The following SLC25A26 variants were observed in gnomAD, a reference collection of about 807,000 sequenced individuals.
SLC25A26 encodes the protein solute carrier family 25 member 26.
In SLC25A26, 36 loss-of-function variants were observed where a neutral mutation model predicts 37.8. The observed-to-expected ratio is 0.95, with a 90% confidence interval of 0.73 to 1.26. SLC25A26 has a LOEUF of 1.26. SLC25A26 is among the 50% of genes most tolerant of loss of function. The pLI is 0.00. For synonymous variants in SLC25A26, 129 were observed against 122.5 expected, an observed-to-expected ratio of 1.05 and a Z score of -0.35; for missense variants, 390 against 331.1, an observed-to-expected ratio of 1.18 and a Z score of -1.38.
chr3:66,241,635 A>G (rs1443183524), intron 2 of SLC25A26, among the ~76,000 whole-genome samples: 1 of 152,212 alleles, frequency 6.6e-6, no homozygotes, highest in Non-Finnish European at 1.5e-5. Flanking sequence ...TCAGAGTACC[A>G]GGGTTCAAAA....
rs2073556045 is a variant in SLC25A26 at position 66,262,162 on chromosome 3, TG to T, written c.405+10del. Reference sequence around the variant, plus strand: ...TAACATCTTATATGAAGAGGTGAGATGGGTTTTTTAAGCTCTTCTTTTCTTT... The same window carrying T: ...TAACATCTTATATGAAGAGGTGAGATGGTTTTTTAAGCTCTTCTTTTCTTT... On this transcript the variant is annotated splice_region_variant and intron_variant, in intron 4 of 9. Transcript: ENST00000354883. The T allele has an allele frequency of 2.1e-6, 3 of 1,429,944 alleles. No individual in the cohort carries two copies. Among genetic ancestry groups the T allele is most frequent in the Non-Finnish European group, 2.9e-6 (3 of 1,047,108 alleles). 88.6% of individuals were successfully genotyped at this position (1,429,944 alleles called of 1,614,324 possible). A position where few individuals can be genotyped will look rare whatever the true frequency, so the allele number is the denominator to read the frequency against.
intron 1 of SLC25A26, among the ~76,000 whole-genome samples, chr3:66,231,284 T>C (rs1213948434): frequency 6.6e-6 from 1 of 152,280 alleles, no homozygotes; most frequent in African/African-American, 2.4e-5. Flanking sequence ...AGGAGGTAGC[T>C]TAGGGTCAGT....
chr3:66,324,536 G>T (rs1027178786), intron 5 of SLC25A26, among the ~76,000 whole-genome samples: 29 of 152,120 alleles, frequency 1.9e-4, no homozygotes, highest in African/African-American at 6.5e-4. Context: ...CTAATCATGT[G>T]GCTAATTTGT....
At chr3:66,185,571 C>T (rs1043227205) in intron 1 of SLC25A26, among the ~76,000 whole-genome samples, 7 of 152,100 alleles carry the variant, frequency 4.6e-5, no homozygotes, top group Non-Finnish European at 2.9e-5. Flanking sequence ...TGAACTTTAC[C>T]TGACCCTGTC....
chr3:66,160,307 A>G (rs1459453295), intron 1 of SLC25A26, among the ~76,000 whole-genome samples: 1 of 152,196 alleles, frequency 6.6e-6, no homozygotes, highest in Non-Finnish European at 1.5e-5. Flanking sequence ...GAATCTTGTC[A>G]GATGGCTTTA....
intron 5 of SLC25A26, among the ~76,000 whole-genome samples, chr3:66,268,197 C>G (rs769700958): frequency 1.1e-4 from 17 of 152,208 alleles, no homozygotes; most frequent in Non-Finnish European, 1.8e-4. Context: ...GTGGACATTA[C>G]AGACATGCTG....
intron 9 of SLC25A26, among the ~76,000 whole-genome samples, chr3:66,376,875 A>C (rs914848317): frequency 3.3e-5 from 5 of 152,216 alleles, no homozygotes; most frequent in Non-Finnish European, 5.9e-5. Flanking sequence ...ATATGGAATC[A>C]TAGTCCTTGG....
chr3:66,134,350 G>C (rs2069915234), intron 1 of SLC25A26, among the ~76,000 whole-genome samples: 1 of 152,190 alleles, frequency 6.6e-6, no homozygotes, highest in Non-Finnish European at 1.5e-5. Flanking sequence ...GAATTCCTTT[G>C]CTGGGTTCAC....
At chr3:66,209,088 A>G (rs1459682209) in intron 1 of SLC25A26, among the ~76,000 whole-genome samples, 21,162 of 35,100 alleles carry the variant, frequency 0.6, 4,537 homozygotes, top group Admixed American at 0.64. Flanking sequence ...CCATATAAAG[A>G]TGTATATATA....
chr3:66,321,041 C>G (rs2075679781), intron 5 of SLC25A26, among the ~76,000 whole-genome samples: 1 of 151,858 alleles, frequency 6.6e-6, no homozygotes, highest in Admixed American at 6.6e-5. Flanking sequence ...GGTGGAGGCC[C>G]CATGATGGGA....
rs563621800 is a variant in SLC25A26, at chr3:66,360,315, A to G, written c.499-2545A>G. 2.0e-5 allele frequency among the ~76,000 whole-genome samples: 3 copies of G among 152,346 alleles called. No homozygotes were observed. In the South Asian group the frequency reaches 6.2e-4, roughly 32 times the overall value. On this transcript the variant is annotated intron_variant, in intron 6 of 9. Coordinates refer to ENST00000354883, the MANE Select transcript of SLC25A26 (RefSeq NM_001379210.1). Reference sequence around the variant, plus strand: ...TCTAACCATTTAAATTAATATATTAAAGAGGTCTTTTTTGTTAATATTTGT... The same window carrying G: ...TCTAACCATTTAAATTAATATATTAGAGAGGTCTTTTTTGTTAATATTTGT...
At chr3:66,352,240 A>G (rs902770444) in intron 6 of SLC25A26, among the ~76,000 whole-genome samples, 6 of 152,042 alleles carry the variant, frequency 3.9e-5, no homozygotes, top group East Asian at 1.9e-4. Context: ...AGACCATACT[A>G]TTCCTTGCTA....
At chr3:66,335,000 T>A (rs1559711646) in intron 5 of SLC25A26, among the ~76,000 whole-genome samples, 1 of 152,256 alleles carries the variant, frequency 6.6e-6, no homozygotes, top group African/African-American at 2.4e-5. Flanking sequence ...ATCTCTTAAT[T>A]GGCTGATATA....
At position 66,204,289 on chromosome 3, in the gene SLC25A26, A is replaced by G. The variant is rs1366912815; in HGVS notation, c.-353-16453A>G. 3.3e-5 allele frequency among the ~76,000 whole-genome samples: 5 copies of G among 151,878 alleles called. No homozygotes were observed. The Middle Eastern group carries it at 0.01, about 310-fold the overall frequency. ...AAATACAAAAAAATTAGCCGGGCGT[A>G]GTGGCGGTCGCCTGTAGTCCCAGCT... is the stretch of plus-strand genomic sequence containing the variant. On this transcript the variant is annotated intron_variant, in intron 1 of 10. Transcript: ENST00000676754.
At chr3:66,304,428 C>T (rs1326533357) in intron 5 of SLC25A26, 1 of 456,154 alleles carries the variant, frequency 2.2e-6, no homozygotes, top group Non-Finnish European at 4.4e-6. Flanking sequence ...TGTCTGTTGT[C>T]ATATTTTTTC....
chr3:66,136,594 T>C (rs2069950210), intron 1 of SLC25A26, among the ~76,000 whole-genome samples: 4 of 152,270 alleles, frequency 2.6e-5, no homozygotes, highest in Admixed American at 6.5e-5. Flanking sequence ...ATGTTCCAGT[T>C]GATGCTTATA....
At chr3:66,332,476 CT>C (rs759014858) in intron 5 of SLC25A26, among the ~76,000 whole-genome samples, 11 of 151,544 alleles carry the variant, frequency 7.3e-5, no homozygotes, top group South Asian at 2.1e-4. Context: ...AACTAAAGCA[CT>C]TTTTTTTTGC....
At chr3:66,232,169 C>T (rs961847916) in intron 1 of SLC25A26, among the ~76,000 whole-genome samples, 2 of 152,112 alleles carry the variant, frequency 1.3e-5, no homozygotes, top group African/African-American at 4.8e-5. Context: ...AATTGTCCTC[C>T]AGTAGATTAT....
At chr3:66,346,972 G>A (rs2076340766) in intron 6 of SLC25A26, among the ~76,000 whole-genome samples, 1 of 152,070 alleles carries the variant, frequency 6.6e-6, no homozygotes, top group Admixed American at 6.6e-5. Context: ...AAGGAGCAGA[G>A]TGTGGTGAGT....
Sources: allele counts gnomAD v4.1 joint callset (sites outside exome capture counted in the v4.1 genomes callset), GRCh38; gene constraint gnomAD v4.1.1; transcripts MANE v1.5; gene names NCBI Gene and HGNC (gene_info 2026-07-23, HGNC 2026-07-21).